EVPLL: variants seen among roughly 807,000 people sequenced by gnomAD.
EVPLL encodes the protein envoplakin-like protein.
Under a neutral mutation model 46.2 loss-of-function variants are expected in EVPLL, and 39 were observed. The ratio of observed to expected loss-of-function variants is 0.84; its 90% CI spans 0.65 to 1.10. EVPLL has a LOEUF of 1.10. Among genes scored for constraint, EVPLL ranks in the 50% least tolerant of loss-of-function variants. The probability of loss-of-function intolerance (pLI) is 0.00; values close to 1 mark genes in which losing one functional copy is unlikely to be tolerated. For missense variants in EVPLL, 385 were observed against 412.6 expected (o/e 0.93, Z 0.58); for synonymous variants, 156 against 165.8 (o/e 0.94, Z 0.46).
chr17:18,378,359 C>T (rs769414327), intron 1 of EVPLL, among the ~76,000 whole-genome samples: 1 of 151,932 alleles, frequency 6.6e-6, no homozygotes, highest in Non-Finnish European at 1.5e-5. Context: ...CCCCAAGGCT[C>T]TACTTGGCTG....
Position 18,381,321 on chromosome 17 carries a change from G to C in EVPLL, c.64-46G>C. 1.3e-6 allele frequency: 2 copies of C among 1,509,410 alleles called. No individual in the cohort carries two copies. Among genetic ancestry groups the C allele is most frequent in the Non-Finnish European group, 1.8e-6 (2 of 1,124,798 alleles). The allele number at this position is 1,509,410 out of a possible 1,614,324, so 93.5% of individuals were successfully genotyped here. On this transcript the variant is annotated intron_variant, in intron 2 of 10. Transcript: ENST00000399134. The surrounding 1 kb of genome is among the most constrained non-coding windows in gnomAD (Gnocchi z 4.2). ...GCCCACAATGATGGGCAGCAGGGGT[G>C]TGGGGGCTCTGGACCCTGGCAAGTC...
rs753724936 is a variant in EVPLL, at chr17:18,382,683, CCT to C, written c.472+46_472+47del. ...GTTACATCCGGGGCCAGCCCCAGCC[CCT>C]GTTTTTCCAGTCAGAGCCGGAGCTA... is the stretch of plus-strand genomic sequence containing the variant. On this transcript the variant is annotated intron_variant, in intron 5 of 10. Coordinates refer to ENST00000399134, the MANE Select transcript of EVPLL (RefSeq NM_001145127.2). The C allele has an allele frequency of 1.0e-4, 156 of 1,552,550 alleles. 1 individual carries two copies. The highest frequency in any genetic ancestry group is 2.9e-4 in the East Asian group (12 of 41,096).
At chr17:18,380,112 C>T (rs1443098371) in intron 1 of EVPLL, 1 of 152,332 alleles carries the variant, frequency 6.6e-6, no homozygotes, top group East Asian at 1.9e-4. Flanking sequence ...GCACTGTGCT[C>T]ATAAGGCTTG....
rs145393394 is a variant in EVPLL, at chr17:18,383,903, G to A, written c.876+316G>A. Among the ~76,000 whole-genome samples, 1,377 of 152,182 alleles carry A rather than the reference G, an allele frequency of 9.0e-3. 18 individuals are homozygous for A. Among genetic ancestry groups the A allele is most frequent in the African/African-American group, 0.031 (1,291 of 41,514 alleles). On this transcript the variant is annotated intron_variant, in intron 9 of 10. Coordinates refer to ENST00000399134, the MANE Select transcript of EVPLL (RefSeq NM_001145127.2). ...CAGGAGAATCGCTTGAACCCAGGAG[G>A]CGGAGGTTGCAGTGGGCCGAGAATG...
intron 9 of EVPLL, 35 bp downstream of exon 9, chr17:18,383,622 G>A (rs1180006277): frequency 1.0e-6 from 1 of 957,610 alleles, no homozygotes; most frequent in Non-Finnish European, 1.5e-6. Context: ...CGGCAGGGCG[G>A]CAGGGCGGGA....
intron 1 of EVPLL, among the ~76,000 whole-genome samples, chr17:18,378,228 G>A (rs1987445681): frequency 6.6e-6 from 1 of 152,360 alleles, no homozygotes; most frequent in African/African-American, 2.4e-5. Context: ...CTCTAAGGGG[G>A]CCTGTGGGCC....
Position 18,381,139 on chromosome 17 carries a change from C to T in EVPLL, c.63+139C>T, listed in dbSNP as rs576363119. ...TGACATTTGTCCTGCACCGCCTGTC[C>T]CCTAACACACGGTGGGAGAGAGGGC... On this transcript the variant is annotated intron_variant, in intron 2 of 10. Transcript: ENST00000399134. This position sits in a 1 kb window ranked among gnomAD's most constrained non-coding sequence, Gnocchi z 4.2. The T allele has an allele frequency of 1.6e-5, 19 of 1,214,558 alleles. No individual in the cohort carries two copies. In the African/African-American group the frequency reaches 2.7e-4, roughly 17 times the overall value. The allele number at this position is 1,214,558 out of a possible 1,614,324, so 75.2% of individuals were successfully genotyped here. A position where few individuals can be genotyped will look rare whatever the true frequency, so the allele number is the denominator to read the frequency against.
chr17:18,378,713 T>G (rs1394218127), intron 1 of EVPLL, among the ~76,000 whole-genome samples: 5 of 151,680 alleles, frequency 3.3e-5, no homozygotes, highest in Non-Finnish European at 7.4e-5. Context: ...GCCCAGGAGT[T>G]TGAGGCTTCA....
In EVPLL at chr17:18,377,815, G is replaced by C; in HGVS notation, c.-205G>C. 1.6e-6 allele frequency: 1 copy of C among 627,880 alleles called. No homozygotes were observed. 38.9% of individuals were successfully genotyped at this position (627,880 alleles called of 1,614,324 possible). A position where few individuals can be genotyped will look rare whatever the true frequency, so the allele number is the denominator to read the frequency against. ...TGACCAGCCAGCAAGGACGCCCGCT[G>C]CCTCCCACCTGCCCTCCTGCCCTCC... On this transcript the variant is annotated 5_prime_UTR_variant, in exon 1 of 11. Transcript: ENST00000399134.
Position 18,382,826 on chromosome 17 carries a change from G to A in EVPLL, c.473G>A (p.Gly158Glu). 1.2e-6 allele frequency: 2 copies of A among 1,613,302 alleles called. No individual in the cohort carries two copies. The highest frequency in any genetic ancestry group is 3.3e-5 in the Admixed American group (2 of 59,898). Reference protein sequence around the residue: ...RRAAAEPGGAGCRHHPEPIPR... With the variant: ...RRAAAEPGGAECRHHPEPIPR... ...TTGTTTCTCCCCTTGGTCAAGGCAG[G>A]ATGCCGCCACCATCCGGAGCCAATA... The change falls in exon 6 of 11, where the codon GGA (glycine) becomes GAA (glutamate). Residue 158 changes from glycine to glutamate, a missense_variant and splice_region_variant. Physicochemically the swap from Gly to Glu is moderately conservative, Grantham distance 98 (BLOSUM62 -2). Transcript: ENST00000399134.
Position 18,381,441 on chromosome 17 carries a change from G to A in EVPLL, c.138G>A (p.Glu46=), listed in dbSNP as rs868140430. The A allele has an allele frequency of 6.2e-7, 1 of 1,613,044 alleles. No individual in the cohort carries two copies. Among genetic ancestry groups the A allele is most frequent in the African/African-American group, 1.3e-5 (1 of 75,038 alleles). ...CGGGCAGCAGCCTGAAGGAGGCCGA[G>A]GTGCTGCTCAAGGACCTCTTCCTGG... ...QETGSSLKEA[E]VLLKDLFLDV... is the part of the protein sequence containing the mutation. The change falls in exon 3 of 11, where the codon GAG becomes GAA. Residue 46 remains glutamate, a synonymous_variant. Transcript: ENST00000399134. The surrounding 1 kb of genome is among the most constrained non-coding windows in gnomAD (Gnocchi z 4.2).
intron 9 of EVPLL, among the ~76,000 whole-genome samples, chr17:18,387,395 G>A (rs1048845356): frequency 8.0e-5 from 12 of 149,406 alleles, no homozygotes; most frequent in African/African-American, 3.0e-4. Flanking sequence ...CTGGATTACT[G>A]TACCAGCCTC....
chr17:18,382,316 A>G, intron 4 of EVPLL, 197 bp from the exon 5 acceptor site: 1 of 535,270 alleles, frequency 1.9e-6, no homozygotes, highest in South Asian at 2.1e-5. Context: ...CCACTGCAGA[A>G]TGGCCTCTGC....
intron 4 of EVPLL, 77 bp from the exon 5 acceptor site, chr17:18,382,436 T>A: frequency 6.5e-7 from 1 of 1,534,894 alleles, no homozygotes; most frequent in Non-Finnish European, 8.8e-7. Context: ...AGTCCACTTC[T>A]CCGGGTGGGA....
intron 9 of EVPLL, among the ~76,000 whole-genome samples, chr17:18,384,908 C>T (rs533296570): frequency 3.2e-4 from 48 of 151,548 alleles, no homozygotes; most frequent in African/African-American, 1.1e-3. Context: ...GAGGCAGCAG[C>T]GAAAGATGGG....
chr17:18,386,771 G>C (rs1987777113), intron 9 of EVPLL, among the ~76,000 whole-genome samples: 2 of 152,154 alleles, frequency 1.3e-5, no homozygotes, highest in South Asian at 4.1e-4. Flanking sequence ...TTGAACCCAA[G>C]GGGCTCTATA....
At position 18,381,949 on chromosome 17, in the gene EVPLL, G is replaced by A; in HGVS notation, c.346+219G>A. On this transcript the variant is annotated intron_variant, in intron 4 of 10. Transcript: ENST00000399134. The surrounding 1 kb of genome is among the most constrained non-coding windows in gnomAD (Gnocchi z 4.2). ...GGGTGAGAGGGCTCGGTTGGGTCAG[G>A]GTGAAGTAGTGAGGAGAGGACAATT... 1 of 683,302 alleles carries A rather than the reference G, an allele frequency of 1.5e-6. No individual in the cohort carries two copies. The highest frequency in any genetic ancestry group is 2.4e-6 in the Non-Finnish European group (1 of 414,796). The allele number at this position is 683,302 out of a possible 1,614,324, so 42.3% of individuals were successfully genotyped here.
intron 9 of EVPLL, among the ~76,000 whole-genome samples, chr17:18,385,621 T>C (rs1206449330): frequency 4.0e-5 from 6 of 148,910 alleles, no homozygotes; most frequent in Non-Finnish European, 8.9e-5. Flanking sequence ...TGTGCATGTG[T>C]GTTGTGGGAG....
chr17:18,382,756 C>T (rs1435023563), intron 5 of EVPLL, 70 bp from the exon 6 acceptor site: 5 of 1,564,140 alleles, frequency 3.2e-6, no homozygotes, highest in Non-Finnish European at 4.3e-6. Context: ...TATGGCTTGC[C>T]CAGATCTTAG....
Sources: gnomAD v4.1 joint callset for allele counts (sites outside exome capture counted in the v4.1 genomes callset) on GRCh38, gnomAD v4.1.1 for gene constraint, Gnocchi (gnomAD v3.1) non-coding constraint, MANE v1.5 for transcripts, NCBI Gene and HGNC (gene_info 2026-07-23, HGNC 2026-07-21) for gene names.